Variants in RAB37 observed in about 807,000 individuals in gnomAD.
RAB37 encodes the protein RAB37, member RAS oncogene family, also known as ras-related protein Rab-37.
A neutral mutation model predicts 33.1 loss-of-function variants in RAB37; 29 were observed. That is an observed-to-expected ratio of 0.88 (90% CI 0.65 to 1.20). The LOEUF (loss-of-function observed/expected upper bound fraction) is 1.20, where lower values mean the gene tolerates loss of function less well. Ranked by LOEUF, RAB37 falls within the 50% of genes most tolerant of loss-of-function variation. The pLI is 0.00. For missense variants in RAB37, 299 were observed against 301.1 expected (o/e 0.99, Z 0.05); for synonymous variants, 128 against 119.5 (o/e 1.07, Z -0.47).
chr17:74,736,831 C>G (rs1359820680), upstream of RAB37: 4 of 1,531,376 alleles, frequency 2.6e-6, no homozygotes, highest in South Asian at 4.8e-5. Flanking sequence ...GAGGCGCAGC[C>G]CAGGGGTCCC....
intron 1 of RAB37, among the ~76,000 whole-genome samples, chr17:74,714,981 G>C (rs549442887): frequency 6.6e-6 from 1 of 152,324 alleles, no homozygotes; most frequent in Admixed American, 6.5e-5. Flanking sequence ...ACTTAGCCGG[G>C]TGTGGTGGTG....
rs745360653 is a variant in RAB37 at position 74,738,943 on chromosome 17, A to G, written c.93+1578A>G. 2.0e-5 allele frequency among the ~76,000 whole-genome samples: 3 copies of G among 152,158 alleles called. No homozygotes were observed. The highest frequency in any genetic ancestry group is 4.4e-5 in the Non-Finnish European group (3 of 68,022). On this transcript the variant is annotated intron_variant, in intron 1 of 8. Coordinates refer to ENST00000392613, the MANE Select transcript of RAB37 (RefSeq NM_001006638.3). The surrounding 1 kb of genome is among the most constrained non-coding windows in gnomAD (Gnocchi z 5.0). ...AACAGACTCTAGAAATACCTCAAAG[A>G]CATTATCCCTCCTCCTTCTACCCAC...
chr17:74,736,959 C>T (rs997795640), upstream of RAB37: 28 of 1,537,678 alleles, frequency 1.8e-5, no homozygotes, highest in African/African-American at 3.3e-4. Context: ...CCCCGCGGCC[C>T]GCTCCCCCAG....
intron 1 of RAB37, among the ~76,000 whole-genome samples, chr17:74,696,943 G>T (rs181002657): frequency 6.6e-6 from 1 of 151,372 alleles, no homozygotes; most frequent in Non-Finnish European, 1.5e-5. Flanking sequence ...GGTTTGGTTT[G>T]GTTTGGTTTG....
upstream of RAB37, among the ~76,000 whole-genome samples, chr17:74,733,497 T>G (rs1351118104): frequency 1.4e-4 from 16 of 114,804 alleles, no homozygotes; most frequent in East Asian, 2.8e-4. Context: ...TGTGGTGTGA[T>G]TTGAGGTGTG....
At chr17:74,682,193 C>CA (rs575246554) in intron 1 of RAB37, among the ~76,000 whole-genome samples, 1 of 152,188 alleles carries the variant, frequency 6.6e-6, no homozygotes, top group Non-Finnish European at 1.5e-5. Flanking sequence ...TTTCCAGTGA[C>CA]AAAACCCAAC....
chr17:74,693,351 G>A (rs1406747752), intron 1 of RAB37, among the ~76,000 whole-genome samples: 12 of 152,212 alleles, frequency 7.9e-5, no homozygotes, highest in African/African-American at 2.9e-4. Flanking sequence ...AGTTGGGGGT[G>A]AAGGGGCAGC....
rs539917054 is a variant in RAB37, at chr17:74,729,099, T to C, written c.73-157T>C. The stretch of plus-strand genomic sequence containing the variant: ...GTACATGTTTTTCTATGTCTGTATG[T>C]GTGTGTCAGTGTCTTGTGTGTGTGT... On this transcript the variant is annotated intron_variant, in intron 1 of 7. Coordinates refer to the RAB37 transcript ENST00000340415. This position sits in a 1 kb window ranked among gnomAD's most constrained non-coding sequence, Gnocchi z 4.2. Among the ~76,000 whole-genome samples, 1 of 152,230 alleles carries C rather than the reference T, an allele frequency of 6.6e-6. No individual in the cohort carries two copies. The highest frequency in any genetic ancestry group is 2.4e-5 in the African/African-American group (1 of 41,530).
intron 1 of RAB37, among the ~76,000 whole-genome samples, chr17:74,703,840 G>A (rs897581923): frequency 1.3e-5 from 2 of 152,198 alleles, no homozygotes; most frequent in Non-Finnish European, 2.9e-5. Context: ...CCGAGGCACT[G>A]GGACCCCTGA....
At chr17:74,681,227 T>C (rs1226081085) in intron 1 of RAB37, among the ~76,000 whole-genome samples, 1 of 152,216 alleles carries the variant, frequency 6.6e-6, no homozygotes, top group Non-Finnish European at 1.5e-5. Context: ...AGCTGAGCCC[T>C]TGGGGACCAG....
intron 1 of RAB37, among the ~76,000 whole-genome samples, chr17:74,725,571 A>G (rs1337659106): frequency 1.3e-5 from 2 of 152,044 alleles, no homozygotes; most frequent in Non-Finnish European, 1.5e-5. Flanking sequence ...TAAATAGACC[A>G]GCGCTGAGCT....
intron 1 of RAB37, among the ~76,000 whole-genome samples, chr17:74,708,276 G>A (rs1002236674): frequency 1.3e-5 from 2 of 151,956 alleles, no homozygotes; most frequent in Non-Finnish European, 2.9e-5. Context: ...CAAATCCCTT[G>A]TTTAAAACTT....
intron 1 of RAB37, among the ~76,000 whole-genome samples, chr17:74,688,113 G>A (rs2032089696): frequency 6.6e-6 from 1 of 152,156 alleles, no homozygotes; most frequent in South Asian, 2.1e-4. Flanking sequence ...TAAGCCTGAG[G>A]CACAGAGTGC....
intron 1 of RAB37, among the ~76,000 whole-genome samples, chr17:74,693,547 T>C (rs1359632758): frequency 6.6e-6 from 1 of 152,122 alleles, no homozygotes; most frequent in African/African-American, 2.4e-5. Context: ...CTAGCAATCA[T>C]TGTGGGCTTG....
chr17:74,737,481 G>A (rs1237935633), intron 1 of RAB37, 116 bp downstream of exon 1: 6 of 1,190,816 alleles, frequency 5.0e-6, no homozygotes, highest in African/African-American at 1.5e-5. Flanking sequence ...GAGGAGGGAG[G>A]GAGAGAGGGT....
upstream of RAB37, among the ~76,000 whole-genome samples, chr17:74,732,673 GTGGC>G (rs2034403568): frequency 9.8e-4 from 78 of 79,550 alleles, no homozygotes; most frequent in African/African-American, 1.3e-3. Flanking sequence ...GTGTGTGTAT[GTGGC>G]GTGAGATGTG....
intron 1 of RAB37, among the ~76,000 whole-genome samples, chr17:74,708,698 G>T (rs11077760): frequency 0.11 from 16,737 of 151,990 alleles, 1,195 homozygotes; most frequent in Admixed American, 0.19. Flanking sequence ...GGGCGGATCA[G>T]GAGGTGAGGA....
At chr17:74,741,244 A>G (rs1172982361) in intron 2 of RAB37, among the ~76,000 whole-genome samples, 2 of 152,148 alleles carry the variant, frequency 1.3e-5, no homozygotes, top group Non-Finnish European at 2.9e-5. Flanking sequence ...CTCAAAGGTC[A>G]ATCAGTCTTT....
intron 1 of RAB37, among the ~76,000 whole-genome samples, chr17:74,717,659 G>T (rs1040030063): frequency 6.6e-6 from 1 of 151,540 alleles, no homozygotes; most frequent in Non-Finnish European, 1.5e-5. Flanking sequence ...CTGAAAATAC[G>T]AAATTAGCCA....
Sources: gnomAD v4.1 joint callset for allele counts (sites outside exome capture counted in the v4.1 genomes callset) on GRCh38, gnomAD v4.1.1 for gene constraint, Gnocchi (gnomAD v3.1) non-coding constraint, MANE v1.5 for transcripts, NCBI Gene and HGNC (gene_info 2026-07-23, HGNC 2026-07-21) for gene names.